Variants in USH2A observed in about 807,000 individuals in gnomAD.
USH2A encodes usherin.
USH2A carries 443 observed loss-of-function variants against 538.9 expected under a neutral mutation model. The ratio of observed to expected loss-of-function variants is 0.82; its 90% confidence interval spans 0.76 to 0.89. USH2A has a LOEUF of 0.89. Among genes scored for constraint, USH2A ranks in the 40% least tolerant of loss-of-function variants. The probability of loss-of-function intolerance (pLI) is 0.00; values close to 1 mark genes in which losing one functional copy is unlikely to be tolerated. For missense variants in USH2A, 6,633 were observed against 6,324.8 expected (o/e 1.05, Z -1.65); for synonymous variants, 2,413 against 2,273.5 (o/e 1.06, Z -1.75).
At chr1:216,304,671 C>T (rs1055014357) in intron 9 of USH2A, among the ~76,000 whole-genome samples, 1 of 152,016 alleles carries the variant, frequency 6.6e-6, no homozygotes, top group Non-Finnish European at 1.5e-5. Context: ...TTCCTGTTAG[C>T]ACCACCTTTG....
At chr1:216,229,404 C>A (rs1420730499) in intron 14 of USH2A, among the ~76,000 whole-genome samples, 1 of 151,916 alleles carries the variant, frequency 6.6e-6, no homozygotes, top group East Asian at 1.9e-4. Context: ...CAGCCTCGAC[C>A]TTCCAGTCTC....
intron 19 of USH2A, chr1:216,195,601 T>G (rs940999980): frequency 6.6e-6 from 1 of 151,668 alleles, no homozygotes; most frequent in Non-Finnish European, 1.5e-5. Flanking sequence ...AATATGGCAG[T>G]GGCTTGGAAA....
At chr1:216,402,141 A>G (rs1181900590) in intron 3 of USH2A, among the ~76,000 whole-genome samples, 1 of 152,168 alleles carries the variant, frequency 6.6e-6, no homozygotes, top group African/African-American at 2.4e-5. Context: ...TTTCACCAAG[A>G]TAGACTACAT....
At chr1:215,702,139 T>C (rs12142412) in intron 61 of USH2A, among the ~76,000 whole-genome samples, 27,225 of 152,196 alleles carry the variant, frequency 0.18, 2,606 homozygotes, top group Non-Finnish European at 0.21. Flanking sequence ...GAATGTTGAA[T>C]ATTGGCCCCC....
In USH2A at chr1:215,751,576, T is replaced by G. The variant is rs148860120; in HGVS notation, c.11389+7019A>C. Among the ~76,000 whole-genome samples the G allele has an allele frequency of 4.6e-3, 703 of 152,288 alleles. 16 individuals are homozygous for G. The highest frequency in any genetic ancestry group is 0.016 in the African/African-American group (672 of 41,588). Reference sequence around the variant, plus strand: ...AAACAGCAGGGATATCTATCTCCATTGTCATTCTGAGTAAACCACTTATGT... The same window carrying G: ...AAACAGCAGGGATATCTATCTCCATGGTCATTCTGAGTAAACCACTTATGT... On this transcript the variant is annotated intron_variant, in intron 58 of 71. Transcript: ENST00000307340.
At chr1:216,155,401 C>T (rs868357852) in intron 21 of USH2A, among the ~76,000 whole-genome samples, 3 of 152,164 alleles carry the variant, frequency 2.0e-5, no homozygotes, top group South Asian at 4.1e-4. Flanking sequence ...CTATAGATAA[C>T]ATCACTATTG....
At chr1:216,084,490 C>T (rs1371260790) in intron 25 of USH2A, among the ~76,000 whole-genome samples, 1 of 152,068 alleles carries the variant, frequency 6.6e-6, no homozygotes, top group African/African-American at 2.4e-5. Flanking sequence ...CCAGAGATAT[C>T]ATACATGGAT....
intron 47 of USH2A, among the ~76,000 whole-genome samples, chr1:215,825,367 C>T (rs893679763): frequency 4.6e-5 from 7 of 152,146 alleles, no homozygotes; most frequent in African/African-American, 1.7e-4. Context: ...TTCCAGTTGT[C>T]CCTTGAAGTA....
At chr1:215,901,054 C>T (rs1303661742) in intron 38 of USH2A, 149 bp from the exon 39 acceptor site, 2 of 939,112 alleles carry the variant, frequency 2.1e-6, no homozygotes, top group Admixed American at 2.0e-5. Flanking sequence ...ATTTTCATTC[C>T]TGAACTCCTG....
intron 21 of USH2A, among the ~76,000 whole-genome samples, chr1:216,141,273 A>T (rs1366765512): frequency 6.6e-6 from 1 of 152,222 alleles, no homozygotes; most frequent in Middle Eastern, 3.2e-3. Flanking sequence ...AACATTATGC[A>T]CAGGGGGCCA....
rs891066708 is a variant in USH2A, at chr1:216,142,347, T to G, written c.4627+32905A>C. Among the ~76,000 whole-genome samples, 3 of 152,316 alleles carry G rather than the reference T, an allele frequency of 2.0e-5. No homozygotes were observed. In the South Asian group the frequency reaches 6.2e-4, roughly 32 times the overall value. ...TTTCACAATTGTGAGTAGTGAGAGA[T>G]AAATAATAGATATAGGTAATGCAGA... On this transcript the variant is annotated intron_variant, in intron 21 of 71. Transcript: ENST00000307340.
At position 215,993,065 on chromosome 1, in the gene USH2A, G is replaced by A; in HGVS notation, c.6760C>T (p.Pro2254Ser). 6.2e-7 allele frequency: 1 copy of A among 1,614,102 alleles called. No homozygotes were observed. Among genetic ancestry groups the A allele is most frequent in the Non-Finnish European group, 8.5e-7 (1 of 1,179,974 alleles). ...VPAPKAHSYS[P>S]DSFNVSWTEP... ...GTCCAGGAGACATTAAAGGAGTCAG[G>A]TGAATATGAGTGGGCTTTGGGGGCT... Residue 2254 changes from proline (P) to serine (S), a missense_variant, in exon 35 of 72, where the codon CCT (proline) becomes TCT (serine). Coordinates refer to ENST00000307340, the MANE Select transcript of USH2A (RefSeq NM_206933.4).
chr1:215,722,390 G>T (rs1169296206), intron 61 of USH2A, among the ~76,000 whole-genome samples: 1 of 152,126 alleles, frequency 6.6e-6, no homozygotes, highest in Non-Finnish European at 1.5e-5. Context: ...ACTAATTTAA[G>T]ATCATATGTA....
intron 32 of USH2A, among the ~76,000 whole-genome samples, chr1:216,031,984 T>C (rs186105492): frequency 6.6e-6 from 1 of 152,210 alleles, no homozygotes; most frequent in East Asian, 1.9e-4. Context: ...CCTTCTCTTT[T>C]GTTGTCACAC....
intron 44 of USH2A, among the ~76,000 whole-genome samples, chr1:215,862,630 T>C (rs1035168310): frequency 6.6e-6 from 1 of 152,210 alleles, no homozygotes; most frequent in Admixed American, 6.5e-5. Flanking sequence ...TTACTAGACA[T>C]GGCTTCCCCT....
chr1:215,639,225 C>T lies in USH2A; in HGVS notation c.14982G>A (p.Gln4994=). The change falls in exon 69 of 72, where the codon CAG becomes CAA. Residue 4994 remains glutamine, a synonymous_variant. Transcript: ENST00000307340. ...TTCCTTCGTCAGTCGTGCAGATGAC[C>T]TGGAAAAAGAAGGCTAGACAAAAGG... ...PRTADKTFFF[Q]VICTTDEGSV... is the part of the protein sequence containing the mutation. 6.2e-7 allele frequency: 1 copy of T among 1,614,028 alleles called. No homozygotes were observed.
chr1:215,834,457 T>C (rs981295919), intron 47 of USH2A, among the ~76,000 whole-genome samples: 2 of 152,196 alleles, frequency 1.3e-5, no homozygotes, highest in Non-Finnish European at 2.9e-5. Flanking sequence ...ACATATTATG[T>C]GATCCATTTA....
At chr1:215,717,406 G>T (rs1659516061) in intron 61 of USH2A, among the ~76,000 whole-genome samples, 1 of 152,130 alleles carries the variant, frequency 6.6e-6, no homozygotes, top group African/African-American at 2.4e-5. Flanking sequence ...TCTGTCAATG[G>T]TTTGTGGTTC....
At chr1:216,223,041 GT>G (rs750587482) in intron 14 of USH2A, among the ~76,000 whole-genome samples, 2,356 of 142,332 alleles carry the variant, frequency 0.017, 64 homozygotes, top group African/African-American at 0.052. Flanking sequence ...TCAAGGAAAT[GT>G]TTTTTTTTTT....
Sources: allele counts gnomAD v4.1 joint callset (sites outside exome capture counted in the v4.1 genomes callset), GRCh38; gene constraint gnomAD v4.1.1; transcripts MANE v1.5; gene names NCBI Gene and HGNC (gene_info 2026-07-23, HGNC 2026-07-21).